TTLL5: variants seen among roughly 807,000 people sequenced by gnomAD.
TTLL5 encodes tubulin tyrosine ligase like 5, also known as tubulin polyglutamylase TTLL5.
A neutral mutation model predicts 168.4 loss-of-function variants in TTLL5; 132 were observed. The ratio of observed to expected loss-of-function variants is 0.78; its 90% CI spans 0.68 to 0.91. The LOEUF is 0.91. Ranked by LOEUF, TTLL5 falls within the 40% of genes least tolerant of loss-of-function variation. The probability of loss-of-function intolerance (pLI) is 0.00; values close to 1 mark genes in which losing one functional copy is unlikely to be tolerated. For synonymous variants in TTLL5, 546 were observed against 558.6 expected (o/e 0.98, Z 0.32); for missense variants, 1,545 against 1,581.5 (o/e 0.98, Z 0.39).
In TTLL5 at chr14:75,816,925, T is replaced by C. The variant is rs1253719648; in HGVS notation, c.3172-3082T>C. On this transcript the variant is annotated intron_variant, in intron 27 of 31. Transcript: ENST00000298832. ...GGACAAGGCATTTCAGAGAAACTAGTGGCCAGAGAAGTTACTACCATAATT... is the reference window on the plus strand; with the variant it reads ...GGACAAGGCATTTCAGAGAAACTAGCGGCCAGAGAAGTTACTACCATAATT... Among the ~76,000 whole-genome samples, 4 of 149,744 alleles carry C rather than the reference T, an allele frequency of 2.7e-5. No individual in the cohort carries two copies. In the East Asian group the frequency reaches 7.9e-4, roughly 29 times the overall value.
intron 26 of TTLL5, among the ~76,000 whole-genome samples, chr14:75,791,902 G>A (rs1034599917): frequency 7.2e-5 from 11 of 151,806 alleles, no homozygotes; most frequent in Non-Finnish European, 1.6e-4. Flanking sequence ...GGAAAAATGT[G>A]AATTTTTATT....
chr14:75,863,673 G>C lies in TTLL5; in HGVS notation c.3333G>C (p.Leu1111=). The part of the protein sequence containing the change: ...NHSSSPGSRS[L]QTGGFAWEGE... ...TGCTTGCTTTTCTCTTCAGGAGCCT[G>C]CAGACAGGGGGATTTGCCTGGGAAG... is the stretch of plus-strand genomic sequence containing the variant. The change falls in exon 29 of 32, where the codon CTG becomes CTC. Residue 1111 remains leucine, a synonymous_variant. Coordinates refer to ENST00000298832, the MANE Select transcript of TTLL5 (RefSeq NM_015072.5). The C allele has an allele frequency of 1.2e-6, 2 of 1,607,706 alleles. No individual in the cohort carries two copies. The highest frequency in any genetic ancestry group is 1.7e-6 in the Non-Finnish European group (2 of 1,176,970).
intron 3 of TTLL5, among the ~76,000 whole-genome samples, chr14:75,670,357 T>C (rs1883641689): frequency 6.6e-6 from 1 of 152,186 alleles, no homozygotes; most frequent in African/African-American, 2.4e-5. Context: ...TTCCACCTTT[T>C]GTCTGTTGTG....
At chr14:75,826,314 C>CACACACACACACAG (rs894461102) in intron 28 of TTLL5, among the ~76,000 whole-genome samples, 1 of 151,722 alleles carries the variant, frequency 6.6e-6, no homozygotes, top group African/African-American at 2.4e-5. Flanking sequence ...CACACACACA[C>CACACACACACACAG]ACACACACAC....
intron 17 of TTLL5, among the ~76,000 whole-genome samples, chr14:75,746,251 A>G (rs1214840392): frequency 6.6e-6 from 1 of 152,110 alleles, no homozygotes; most frequent in Non-Finnish European, 1.5e-5. Flanking sequence ...ATAGTTCATT[A>G]TTATTATTAT....
intron 31 of TTLL5, among the ~76,000 whole-genome samples, chr14:75,910,278 A>G (rs962542378): frequency 6.6e-6 from 1 of 152,104 alleles, no homozygotes; most frequent in Non-Finnish European, 1.5e-5. Flanking sequence ...AAGCACACAC[A>G]CCTCTTGGAA....
At chr14:75,683,471 C>A in intron 4 of TTLL5, 79 bp from the exon 5 acceptor site, 4 of 1,189,720 alleles carry the variant, frequency 3.4e-6, no homozygotes, top group Non-Finnish European at 5.0e-6. Context: ...ATCACTGTGG[C>A]TTTTTCTGCC....
At chr14:75,798,191 A>AT (rs1893094951) in intron 27 of TTLL5, among the ~76,000 whole-genome samples, 1 of 152,050 alleles carries the variant, frequency 6.6e-6, no homozygotes, top group African/African-American at 2.4e-5. Flanking sequence ...TATTTCCAGG[A>AT]ATTTATCCGT....
intron 31 of TTLL5, among the ~76,000 whole-genome samples, chr14:75,930,815 A>G (rs1211775115): frequency 6.6e-6 from 1 of 152,210 alleles, no homozygotes; most frequent in Non-Finnish European, 1.5e-5. Context: ...GGCTATGATA[A>G]ATCTTTTGAG....
At chr14:75,728,027 C>T (rs1178257964) in intron 12 of TTLL5, among the ~76,000 whole-genome samples, 2 of 151,968 alleles carry the variant, frequency 1.3e-5, no homozygotes, top group Non-Finnish European at 2.9e-5. Context: ...TAAATTATAC[C>T]TCAAAAGGGA....
At chr14:75,734,213 A>T (rs1335914392) in intron 14 of TTLL5, among the ~76,000 whole-genome samples, 163 bp downstream of exon 14, 1 of 152,208 alleles carries the variant, frequency 6.6e-6, no homozygotes, top group African/African-American at 2.4e-5. Context: ...TTTCTACGAC[A>T]CTTGGCTCCA....
chr14:75,700,372 G>C (rs1316494876), intron 7 of TTLL5, among the ~76,000 whole-genome samples: 4 of 152,200 alleles, frequency 2.6e-5, no homozygotes, highest in African/African-American at 7.2e-5. Flanking sequence ...GTAGGCTCAA[G>C]CATGTGCCCT....
At chr14:75,696,092 G>A (rs1177612995) in intron 6 of TTLL5, among the ~76,000 whole-genome samples, 1 of 151,770 alleles carries the variant, frequency 6.6e-6, no homozygotes, top group Non-Finnish European at 1.5e-5. Context: ...GTCTCAGTAG[G>A]TTGGCCAGCC....
At chr14:75,943,378 T>A (rs2034672780) in intron 31 of TTLL5, among the ~76,000 whole-genome samples, 1 of 152,132 alleles carries the variant, frequency 6.6e-6, no homozygotes, top group South Asian at 2.1e-4. Context: ...AAGCCCTCCC[T>A]CTCGTCCACC....
At chr14:75,862,442 C>T (rs907271581) in intron 28 of TTLL5, among the ~76,000 whole-genome samples, 9 of 152,208 alleles carry the variant, frequency 5.9e-5, no homozygotes, top group Non-Finnish European at 1.2e-4. Context: ...TACTTTCCCA[C>T]CAGCATTGCA....
chr14:75,859,264 A>C (rs116681700), intron 28 of TTLL5, among the ~76,000 whole-genome samples: 1,694 of 152,354 alleles, frequency 0.011, 30 homozygotes, highest in African/African-American at 0.038. Flanking sequence ...ATAGCTCTTC[A>C]ATGTTTATTG....
intron 28 of TTLL5, among the ~76,000 whole-genome samples, chr14:75,834,446 C>T (rs952967461): frequency 1.3e-5 from 2 of 152,194 alleles, no homozygotes; most frequent in African/African-American, 4.8e-5. Context: ...AACATTTCTG[C>T]ATCTTTATAC....
chr14:75,776,943 A>G, intron 23 of TTLL5, 93 bp downstream of exon 23: 2 of 1,023,818 alleles, frequency 2.0e-6, no homozygotes, highest in Non-Finnish European at 2.9e-6. Context: ...TGATACATGG[A>G]TGTGAATGAA....
intron 28 of TTLL5, among the ~76,000 whole-genome samples, chr14:75,837,770 A>C (rs974525043): frequency 1.3e-5 from 2 of 152,290 alleles, no homozygotes; most frequent in African/African-American, 4.8e-5. Context: ...ATGTGTCAGA[A>C]TTTCCTTCCT....
Sources: gnomAD v4.1 joint callset for allele counts (sites outside exome capture counted in the v4.1 genomes callset) on GRCh38, gnomAD v4.1.1 for gene constraint, MANE v1.5 for transcripts, NCBI Gene and HGNC (gene_info 2026-07-23, HGNC 2026-07-21) for gene names.